The following NHEJ1 variants were observed in gnomAD, a reference collection of about 807,000 sequenced individuals.
The protein encoded by NHEJ1 is non-homologous end joining factor 1.
Under a neutral mutation model 39.4 loss-of-function variants are expected in NHEJ1, and 22 were observed. The ratio of observed to expected loss-of-function variants is 0.56; its 90% confidence interval spans 0.40 to 0.80. The LOEUF is 0.80. NHEJ1 is among the 30% of genes least tolerant of loss of function. The pLI, the probability that NHEJ1 is intolerant of heterozygous loss-of-function variation, is 0.00. For synonymous variants in NHEJ1, 154 were observed against 135.6 expected (o/e 1.14, Z -0.94); for missense variants, 329 against 357.1 (o/e 0.92, Z 0.63).
rs759272295 is a variant in NHEJ1 at position 219,075,856 on chromosome 2, A to T, written c.*525T>A. 8 of 156,244 alleles carry T rather than the reference A, an allele frequency of 5.1e-5. No individual in the cohort carries two copies. Among genetic ancestry groups the T allele is most frequent in the Non-Finnish European group, 1.1e-4 (8 of 70,814 alleles). 9.7% of individuals were successfully genotyped at this position (156,244 alleles called of 1,614,324 possible). A position where few individuals can be genotyped will look rare whatever the true frequency, so the allele number is the denominator to read the frequency against. On this transcript the variant is annotated 3_prime_UTR_variant, in exon 8 of 8. Coordinates refer to ENST00000356853, the MANE Select transcript of NHEJ1 (RefSeq NM_024782.3). ...GGCAACTGCAGAAAAGTTTACGAAG[A>T]ATCTGAAGGACCAGACTGATGGCTA...
chr2:219,142,439 G>A (rs191939310), intron 5 of NHEJ1, among the ~76,000 whole-genome samples: 2 of 152,320 alleles, frequency 1.3e-5, no homozygotes, highest in East Asian at 1.9e-4. Context: ...CAGCCCCAGT[G>A]ACTCACACAC....
chr2:219,110,958 C>G (rs1949360259), intron 5 of NHEJ1, among the ~76,000 whole-genome samples: 1 of 152,016 alleles, frequency 6.6e-6, no homozygotes, highest in African/African-American at 2.4e-5. Flanking sequence ...TGCTCGCAAG[C>G]AGAAAGAACT....
intron 5 of NHEJ1, among the ~76,000 whole-genome samples, chr2:219,122,895 T>C (rs1042209416): frequency 4.6e-5 from 7 of 152,178 alleles, no homozygotes; most frequent in Non-Finnish European, 8.8e-5. Flanking sequence ...CATATGCCCA[T>C]ACATCCCCAT....
At chr2:219,145,609 G>A (rs1050399525) in intron 5 of NHEJ1, among the ~76,000 whole-genome samples, 1 of 152,140 alleles carries the variant, frequency 6.6e-6, no homozygotes, top group African/African-American at 2.4e-5. Context: ...ACATGATAAA[G>A]TACCAACTTG....
chr2:219,123,954 T>A (rs1949493999), intron 5 of NHEJ1, among the ~76,000 whole-genome samples: 1 of 152,172 alleles, frequency 6.6e-6, no homozygotes, highest in South Asian at 2.1e-4. Flanking sequence ...TATAATAAAG[T>A]ATTTATAGAA....
chr2:219,100,916 T>C (rs1318163728), intron 5 of NHEJ1, among the ~76,000 whole-genome samples: 2 of 152,238 alleles, frequency 1.3e-5, no homozygotes, highest in Non-Finnish European at 2.9e-5. Flanking sequence ...ACACTATAGA[T>C]GTATATAAAT....
chr2:219,121,746 A>G (rs929305470), intron 5 of NHEJ1, among the ~76,000 whole-genome samples: 4 of 151,920 alleles, frequency 2.6e-5, no homozygotes, highest in Non-Finnish European at 5.9e-5. Flanking sequence ...GGATCAGTTG[A>G]GCCTGGGAGG....
intron 3 of NHEJ1, 28 bp from the exon 4 acceptor site, chr2:219,147,823 A>G (rs1176287826): frequency 6.2e-7 from 1 of 1,612,908 alleles, no homozygotes; most frequent in Non-Finnish European, 8.5e-7. Context: ...TCAATTAGCC[A>G]AAAGACTCTT....
chr2:219,103,723 T>G (rs1949288165), intron 5 of NHEJ1, among the ~76,000 whole-genome samples: 1 of 152,196 alleles, frequency 6.6e-6, no homozygotes, highest in Non-Finnish European at 1.5e-5. Flanking sequence ...CTCTCACAAC[T>G]CTAAAGAGAA....
chr2:219,160,084 A>C (rs1234542470), intron 1 of NHEJ1, among the ~76,000 whole-genome samples: 1 of 151,896 alleles, frequency 6.6e-6, no homozygotes, highest in Non-Finnish European at 1.5e-5. Context: ...TTTTTCCTTC[A>C]AGGCTGCCTC....
intron 5 of NHEJ1, among the ~76,000 whole-genome samples, chr2:219,088,082 G>A (rs1342228611): frequency 6.6e-6 from 1 of 152,168 alleles, no homozygotes; most frequent in Non-Finnish European, 1.5e-5. Context: ...ATCAAGTGTT[G>A]ACAAAGACAC....
chr2:219,093,733 GTGTTTGC>G (rs2106328946), intron 5 of NHEJ1, among the ~76,000 whole-genome samples: 2 of 146,094 alleles, frequency 1.4e-5, no homozygotes, highest in Non-Finnish European at 3.1e-5. Flanking sequence ...TGGGTATATA[GTGTTTGC>G]TTTATTATAT....
chr2:219,160,167 AG>A (rs1453465000), intron 1 of NHEJ1, among the ~76,000 whole-genome samples: 1 of 152,110 alleles, frequency 6.6e-6, no homozygotes, highest in Non-Finnish European at 1.5e-5. Context: ...ATCCCGGCGG[AG>A]GGGTCCCTTG....
In NHEJ1 at chr2:219,071,816, G is replaced by A. The variant is rs1948959993; in HGVS notation, c.*4565C>T. On this transcript the variant is annotated 3_prime_UTR_variant, in exon 8 of 8. Transcript: ENST00000356853. ...GGCCCAGATTCTTGAGAACCCATAA[G>A]AGTTGGGTGCTGAGTGGGTGGAAGG... 6.6e-6 allele frequency among the ~76,000 whole-genome samples: 1 copy of A among 152,236 alleles called. No homozygotes were observed. The highest frequency in any genetic ancestry group is 2.1e-4 in the South Asian group (1 of 4,828).
chr2:219,098,747 T>A (rs1949230552), intron 5 of NHEJ1, among the ~76,000 whole-genome samples: 1 of 152,162 alleles, frequency 6.6e-6, no homozygotes. Context: ...GCCCAGAAGT[T>A]CGAGACTAGC....
chr2:219,086,451 G>A (rs1949112632), intron 5 of NHEJ1, among the ~76,000 whole-genome samples: 1 of 152,124 alleles, frequency 6.6e-6, no homozygotes, highest in Non-Finnish European at 1.5e-5. Flanking sequence ...CCTGTTCTGA[G>A]GTCTAGTGGT....
intron 5 of NHEJ1, among the ~76,000 whole-genome samples, chr2:219,098,897 G>A (rs922141995): frequency 1.3e-5 from 2 of 152,182 alleles, no homozygotes; most frequent in African/African-American, 4.8e-5. Flanking sequence ...AGAAAGTTGA[G>A]TTTAACTATA....
intron 5 of NHEJ1, among the ~76,000 whole-genome samples, chr2:219,082,566 G>C (rs1949076681): frequency 6.6e-6 from 1 of 152,182 alleles, no homozygotes; most frequent in Admixed American, 6.5e-5. Flanking sequence ...GGTAAGAAAG[G>C]CTAGATCTGA....
Position 219,111,928 on chromosome 2 carries a change from A to C in NHEJ1, c.589-33722T>G, listed in dbSNP as rs1447574069. Among the ~76,000 whole-genome samples, 1 of 152,192 alleles carries C rather than the reference A, an allele frequency of 6.6e-6. No individual in the cohort carries two copies. The highest frequency in any genetic ancestry group is 1.5e-5 in the Non-Finnish European group (1 of 68,036). On this transcript the variant is annotated intron_variant, in intron 5 of 7. Transcript: ENST00000356853. The surrounding 1 kb of genome is among the most constrained non-coding windows in gnomAD (Gnocchi z 4.1). ...GGGTGGGGGGATGAATGAGAGGGGCAGGAGACATTTTAAACACTCTCTTAA... is the reference window on the plus strand; with the variant it reads ...GGGTGGGGGGATGAATGAGAGGGGCCGGAGACATTTTAAACACTCTCTTAA...
Sources: gnomAD v4.1 joint callset for allele counts (sites outside exome capture counted in the v4.1 genomes callset) on GRCh38, gnomAD v4.1.1 for gene constraint, Gnocchi (gnomAD v3.1) non-coding constraint, MANE v1.5 for transcripts, NCBI Gene and HGNC (gene_info 2026-07-23, HGNC 2026-07-21) for gene names.